NR2F1-AS1: variants seen among roughly 807,000 people sequenced by gnomAD.
NR2F1-AS1 encodes NR2F1 regulatory antisense RNA 1.
intron 4 of NR2F1-AS1, among the ~76,000 whole-genome samples, chr5:93,487,884 A>G (rs1321933872): frequency 6.6e-6 from 1 of 152,186 alleles, no homozygotes; most frequent in Non-Finnish European, 1.5e-5. Context: ...TGGTACTGGT[A>G]CCAAAACATA....
chr5:93,458,802 G>T (rs1455084616), intron 4 of NR2F1-AS1, among the ~76,000 whole-genome samples: 1 of 152,122 alleles, frequency 6.6e-6, no homozygotes, highest in Non-Finnish European at 1.5e-5. Context: ...TTGAGGTCAG[G>T]AGTTTGAGAC....
chr5:93,581,915 T>C (rs1222935585), upstream of NR2F1-AS1, among the ~76,000 whole-genome samples: 5 of 113,148 alleles, frequency 4.4e-5, no homozygotes, highest in African/African-American at 1.8e-4. Flanking sequence ...TGGGTCTCTC[T>C]CTCTCTCTCT....
intron 4 of NR2F1-AS1, among the ~76,000 whole-genome samples, chr5:93,490,388 G>T (rs1199908670): frequency 6.6e-6 from 1 of 152,232 alleles, no homozygotes; most frequent in African/African-American, 2.4e-5. Flanking sequence ...ATATGGATGA[G>T]AAGAAAGGGA....
At chr5:93,425,409 T>G (rs1749175784) in intron 4 of NR2F1-AS1, among the ~76,000 whole-genome samples, 1 of 152,222 alleles carries the variant, frequency 6.6e-6, no homozygotes, top group African/African-American at 2.4e-5. Flanking sequence ...CTGCACTGTT[T>G]GCTAATATCC....
intron 1 of NR2F1-AS1, chr5:93,570,232 C>T (rs1305676685): frequency 6.6e-6 from 1 of 152,204 alleles, no homozygotes; most frequent in Non-Finnish European, 1.5e-5. Flanking sequence ...TTTTTGAAAC[C>T]CAGTTCCTCC....
At chr5:93,454,825 T>C (rs1387656553) in intron 4 of NR2F1-AS1, among the ~76,000 whole-genome samples, 1 of 152,210 alleles carries the variant, frequency 6.6e-6, no homozygotes, top group Non-Finnish European at 1.5e-5. Flanking sequence ...TCTGCACTGC[T>C]GAACACAGAA....
chr5:93,429,312 A>G (rs762437865), intron 4 of NR2F1-AS1, among the ~76,000 whole-genome samples: 1 of 152,212 alleles, frequency 6.6e-6, no homozygotes, highest in Non-Finnish European at 1.5e-5. Context: ...GCAAGGGATG[A>G]CTTTACATTG....
chr5:93,511,392 G>A (rs1241329234), intron 4 of NR2F1-AS1, among the ~76,000 whole-genome samples: 6 of 152,210 alleles, frequency 3.9e-5, no homozygotes, highest in South Asian at 2.1e-4. Context: ...TCAGAATCAC[G>A]TTACACCACC....
chr5:93,545,648 G>C (rs1752067372), intron 4 of NR2F1-AS1, among the ~76,000 whole-genome samples: 2 of 152,096 alleles, frequency 1.3e-5, no homozygotes, highest in Non-Finnish European at 2.9e-5. Flanking sequence ...CACTTTTACT[G>C]CTGTGCATTT....
intron 4 of NR2F1-AS1, among the ~76,000 whole-genome samples, chr5:93,442,896 C>G (rs1749605718): frequency 6.6e-6 from 1 of 152,238 alleles, no homozygotes; most frequent in Admixed American, 6.5e-5. Flanking sequence ...ATTTGCTGCT[C>G]TGCAGCCTCT....
intron 4 of NR2F1-AS1, among the ~76,000 whole-genome samples, chr5:93,414,805 T>C (rs905684740): frequency 2.9e-4 from 44 of 152,174 alleles, no homozygotes; most frequent in African/African-American, 1.1e-3. Context: ...TTGTAACAAT[T>C]CTCAATTACT....
intron 4 of NR2F1-AS1, among the ~76,000 whole-genome samples, chr5:93,550,203 C>T (rs1266210934): frequency 2.6e-5 from 4 of 151,838 alleles, no homozygotes; most frequent in African/African-American, 9.7e-5. Context: ...GAATTTTCTA[C>T]TACTCAGTTG....
chr5:93,581,575 C>A (rs1470243470), upstream of NR2F1-AS1, among the ~76,000 whole-genome samples: 1 of 151,404 alleles, frequency 6.6e-6, no homozygotes, highest in Non-Finnish European at 1.5e-5. Flanking sequence ...CCGGAGCCAG[C>A]GATTCCTGCA....
chr5:93,444,102 A>G (rs893606103), intron 4 of NR2F1-AS1, among the ~76,000 whole-genome samples: 2 of 152,222 alleles, frequency 1.3e-5, no homozygotes, highest in Non-Finnish European at 2.9e-5. Flanking sequence ...AAACATGACA[A>G]ATTGTAAAGA....
chr5:93,551,901 G>A (rs1445161215), intron 4 of NR2F1-AS1, among the ~76,000 whole-genome samples: 1 of 152,134 alleles, frequency 6.6e-6, no homozygotes, highest in African/African-American at 2.4e-5. Context: ...TAATTATGGT[G>A]AGACCTTGGG....
At chr5:93,462,624 A>C (rs971751891) in intron 4 of NR2F1-AS1, among the ~76,000 whole-genome samples, 1 of 152,200 alleles carries the variant, frequency 6.6e-6, no homozygotes, top group Admixed American at 6.5e-5. Context: ...GAAAAGTTTG[A>C]AACTTCCTAG....
chr5:93,454,020 T>C (rs1257925729), intron 4 of NR2F1-AS1, among the ~76,000 whole-genome samples: 12 of 152,224 alleles, frequency 7.9e-5, no homozygotes, highest in Non-Finnish European at 1.5e-5. Flanking sequence ...CTCATGCCTA[T>C]AATCTCAGCA....
chr5:93,467,149 G>A (rs552278619), intron 4 of NR2F1-AS1, among the ~76,000 whole-genome samples: 1 of 152,106 alleles, frequency 6.6e-6, no homozygotes, highest in Admixed American at 6.5e-5. Flanking sequence ...TGATCCATCC[G>A]CCTTGGCCTC....
chr5:93,467,997 T>C (rs1750277089), intron 4 of NR2F1-AS1, among the ~76,000 whole-genome samples: 1 of 152,372 alleles, frequency 6.6e-6, no homozygotes, highest in East Asian at 1.9e-4. Flanking sequence ...TCATTTTTTA[T>C]GGCTGCATAG....
Sources: allele counts gnomAD v4.1 joint callset (sites outside exome capture counted in the v4.1 genomes callset), GRCh38; gene constraint gnomAD v4.1.1; transcripts MANE v1.5; gene names NCBI Gene and HGNC (gene_info 2026-07-23, HGNC 2026-07-21).